SEMA6A: variants seen among roughly 807,000 people sequenced by gnomAD.
SEMA6A encodes semaphorin 6A.
Under a neutral mutation model 96.8 loss-of-function variants are expected in SEMA6A, and 25 were observed. That is an observed-to-expected ratio of 0.26 (90% CI 0.19 to 0.36). The LOEUF (loss-of-function observed/expected upper bound fraction) is 0.36. Ranked by LOEUF, SEMA6A falls within the 10% of genes least tolerant of loss-of-function variation. The probability of loss-of-function intolerance (pLI) is 1.00; values close to 1 mark genes in which losing one functional copy is unlikely to be tolerated. For synonymous variants in SEMA6A, 612 were observed against 518.0 expected (o/e 1.18, Z -2.46); for missense variants, 1,363 against 1,323.1 (o/e 1.03, Z -0.47).
intron 1 of SEMA6A, among the ~76,000 whole-genome samples, chr5:116,551,310 CTT>C (rs1483172230): frequency 2.9e-5 from 2 of 68,864 alleles, no homozygotes; most frequent in Non-Finnish European, 3.9e-5. Flanking sequence ...GCATGATAGT[CTT>C]AGCATACACA....
rs1754204545 is a variant in SEMA6A, at chr5:116,446,336, TA to T, written c.*276del. 1 of 337,776 alleles carries T rather than the reference TA, an allele frequency of 3.0e-6. No individual in the cohort carries two copies. Among genetic ancestry groups the T allele is most frequent in the Admixed American group, 4.4e-5 (1 of 22,908 alleles). The allele number at this position is 337,776 out of a possible 1,614,324, so 20.9% of individuals were successfully genotyped here. ...TGCTTTTGGCTCATGTTTGTGATGA[TA>T]ACTGAAGTCTTTTGTGGGTCCGACC... is the stretch of plus-strand genomic sequence containing the variant. On this transcript the variant is annotated 3_prime_UTR_variant, in exon 19 of 19. Coordinates refer to ENST00000343348, the MANE Select transcript of SEMA6A (RefSeq NM_020796.5).
At chr5:116,483,806 A>G (rs1257219854) in intron 10 of SEMA6A, among the ~76,000 whole-genome samples, 3 of 152,126 alleles carry the variant, frequency 2.0e-5, no homozygotes, top group African/African-American at 7.2e-5. Flanking sequence ...GCTCACGCCT[A>G]TAATCCTGGC....
intron 1 of SEMA6A, among the ~76,000 whole-genome samples, chr5:116,561,509 AC>A (rs1451653239): frequency 6.6e-6 from 1 of 152,238 alleles, no homozygotes; most frequent in African/African-American, 2.4e-5. Context: ...TTTCCACAGA[AC>A]AAGCAAGTTA....
At chr5:116,506,344 TGA>T (rs951417850) in intron 1 of SEMA6A, among the ~76,000 whole-genome samples, 2 of 152,188 alleles carry the variant, frequency 1.3e-5, no homozygotes, top group African/African-American at 4.8e-5. Flanking sequence ...GGAGACAGAT[TGA>T]GAGAAAAGCC....
At chr5:116,565,445 T>C (rs1760986095) in intron 1 of SEMA6A, among the ~76,000 whole-genome samples, 1 of 152,172 alleles carries the variant, frequency 6.6e-6, no homozygotes, top group Non-Finnish European at 1.5e-5. Context: ...CCAGCGACAG[T>C]GTCTAGCTAG....
intron 1 of SEMA6A, among the ~76,000 whole-genome samples, chr5:116,552,477 A>G (rs1050055157): frequency 6.6e-6 from 1 of 152,068 alleles, no homozygotes; most frequent in East Asian, 1.9e-4. Context: ...TTACCTGGCC[A>G]CTTTCTGGGT....
intron 1 of SEMA6A, among the ~76,000 whole-genome samples, chr5:116,528,829 A>T (rs1029578353): frequency 2.0e-5 from 3 of 152,196 alleles, no homozygotes; most frequent in Non-Finnish European, 2.9e-5. Context: ...CCAGCCTGAT[A>T]ATCATCCGTT....
intron 1 of SEMA6A, among the ~76,000 whole-genome samples, chr5:116,555,344 G>C (rs896532404): frequency 2.0e-5 from 3 of 152,162 alleles, no homozygotes; most frequent in Admixed American, 6.5e-5. Context: ...GGCAGGCTCA[G>C]AATAGGGGTT....
intron 1 of SEMA6A, among the ~76,000 whole-genome samples, chr5:116,571,998 A>C (rs2112926869): frequency 6.6e-6 from 1 of 152,326 alleles, no homozygotes; most frequent in Middle Eastern, 3.4e-3. Context: ...GTAGCATACC[A>C]CAGACTTGAT....
chr5:116,454,616 G>A (rs1047612879), intron 18 of SEMA6A, among the ~76,000 whole-genome samples: 1 of 152,094 alleles, frequency 6.6e-6, no homozygotes, highest in African/African-American at 2.4e-5. Context: ...CCAGCCAGTC[G>A]AGGTGACCAC....
At chr5:116,572,826 C>A (rs1044663528) in intron 1 of SEMA6A, among the ~76,000 whole-genome samples, 5 of 152,230 alleles carry the variant, frequency 3.3e-5, no homozygotes, top group African/African-American at 1.2e-4. Flanking sequence ...TCAGACTGCA[C>A]ATGCTGAGCC....
At chr5:116,472,692 T>A in intron 17 of SEMA6A, 1 of 500,062 alleles carries the variant, frequency 2.0e-6, no homozygotes, top group Non-Finnish European at 3.4e-6. Flanking sequence ...TAGGACTCAG[T>A]CTCCCACATC....
chr5:116,467,760 C>A lies in SEMA6A; in HGVS notation c.1730-13G>T. On this transcript the variant is annotated splice_polypyrimidine_tract_variant and intron_variant, in intron 17 of 18. Coordinates refer to ENST00000343348, the MANE Select transcript of SEMA6A (RefSeq NM_020796.5). ...GAACTGGAATGCCCTGTTTTCATCA[C>A]AAATACAGTTAGGAAAACATCACCA... 6.2e-7 allele frequency: 1 copy of A among 1,613,090 alleles called. No individual in the cohort carries two copies. Among genetic ancestry groups the A allele is most frequent in the Non-Finnish European group, 8.5e-7 (1 of 1,179,498 alleles).
chr5:116,540,585 C>T (rs1228807806), intron 1 of SEMA6A, among the ~76,000 whole-genome samples: 1 of 152,166 alleles, frequency 6.6e-6, no homozygotes, highest in Admixed American at 6.5e-5. Flanking sequence ...CTACTAGAAA[C>T]ATATATGGCA....
intron 2 of SEMA6A, among the ~76,000 whole-genome samples, chr5:116,503,812 G>GC (rs1023234771): frequency 2.0e-5 from 3 of 152,166 alleles, no homozygotes; most frequent in African/African-American, 7.2e-5. Context: ...ACCGCGCCCT[G>GC]CCCTGGAGTC....
chr5:116,509,579 CCAG>C (rs1758309107), intron 1 of SEMA6A, among the ~76,000 whole-genome samples: 3 of 148,118 alleles, frequency 2.0e-5, no homozygotes, highest in Non-Finnish European at 4.4e-5. Context: ...GGATTCTGCC[CCAG>C]TGAAGAAGGG....
intron 1 of SEMA6A, among the ~76,000 whole-genome samples, chr5:116,535,904 C>T (rs998905080): frequency 6.6e-6 from 1 of 152,118 alleles, no homozygotes; most frequent in African/African-American, 2.4e-5. Flanking sequence ...TTTTGCGTAG[C>T]CTTTTAGTTT....
intron 18 of SEMA6A, among the ~76,000 whole-genome samples, chr5:116,450,913 T>C (rs1393962311): frequency 6.6e-6 from 1 of 152,200 alleles, no homozygotes; most frequent in Non-Finnish European, 1.5e-5. Flanking sequence ...ACTTAAAGCT[T>C]TCTGCTTATA....
chr5:116,536,770 C>T (rs551283316), intron 1 of SEMA6A, among the ~76,000 whole-genome samples: 1 of 145,302 alleles, frequency 6.9e-6, no homozygotes, highest in South Asian at 2.2e-4. Context: ...CTGCATTGTC[C>T]GCGGGAGATG....
Sources: gnomAD v4.1 joint callset for allele counts (sites outside exome capture counted in the v4.1 genomes callset) on GRCh38, gnomAD v4.1.1 for gene constraint, MANE v1.5 for transcripts, NCBI Gene and HGNC (gene_info 2026-07-23, HGNC 2026-07-21) for gene names.